CHP1: variants seen among roughly 807,000 people sequenced by gnomAD.
CHP1 encodes the protein calcineurin like EF-hand protein 1.
In CHP1, 11 loss-of-function variants were observed where a neutral mutation model predicts 27.4. The ratio of observed to expected loss-of-function variants is 0.40; its 90% CI spans 0.25 to 0.67. CHP1 has a LOEUF of 0.67. Among genes scored for constraint, CHP1 ranks in the 30% least tolerant of loss-of-function variants. The probability of loss-of-function intolerance (pLI) is 0.38; values close to 1 mark genes in which losing one functional copy is unlikely to be tolerated. For missense variants in CHP1, 169 were observed against 251.3 expected, an observed-to-expected ratio of 0.67 and a Z score of 2.22; for synonymous variants, 89 against 87.4, an observed-to-expected ratio of 1.02 and a Z score of -0.10.
intron 1 of CHP1, among the ~76,000 whole-genome samples, chr15:41,232,011 T>C (rs1456568611): frequency 1.3e-5 from 2 of 152,076 alleles, no homozygotes; most frequent in Non-Finnish European, 2.9e-5. Flanking sequence ...GGGTCTGGGA[T>C]TGTGAGACTT....
At chr15:41,270,428 A>G in intron 4 of CHP1, 129 bp from the exon 5 acceptor site, 1 of 680,972 alleles carries the variant, frequency 1.5e-6, no homozygotes, top group East Asian at 2.7e-5. Context: ...CCTACAAGTA[A>G]TGGCAATTGT....
chr15:41,257,722 G>T (rs1386088082), intron 3 of CHP1, among the ~76,000 whole-genome samples: 3 of 151,354 alleles, frequency 2.0e-5, no homozygotes, highest in African/African-American at 4.9e-5. Context: ...ACCATACCTG[G>T]CTAATTTTTG....
At chr15:41,239,372 A>G (rs1327095636) in intron 1 of CHP1, among the ~76,000 whole-genome samples, 2 of 150,132 alleles carry the variant, frequency 1.3e-5, no homozygotes, top group Admixed American at 6.6e-5. Context: ...TATTTTTAAC[A>G]TATTAGTACA....
At chr15:41,274,031 A>G (rs528537239) in intron 5 of CHP1, among the ~76,000 whole-genome samples, 60 of 151,062 alleles carry the variant, frequency 4.0e-4, no homozygotes, top group African/African-American at 1.4e-3. Flanking sequence ...CGCGATCTCA[A>G]CTCACTGCAA....
At chr15:41,271,110 C>A (rs112437350) in intron 5 of CHP1, among the ~76,000 whole-genome samples, 16,308 of 151,910 alleles carry the variant, frequency 0.11, 1,203 homozygotes, top group East Asian at 0.21. Context: ...AAAAAATTAG[C>A]CGGGTGTGGT....
intron 6 of CHP1, 33 bp downstream of exon 6, chr15:41,278,922 C>A (rs150007408): frequency 6.2e-7 from 1 of 1,612,266 alleles, no homozygotes; most frequent in South Asian, 1.1e-5. Flanking sequence ...GAAAAAGTTA[C>A]GTTTTAGTGG....
intron 5 of CHP1, among the ~76,000 whole-genome samples, chr15:41,277,993 A>G (rs1007391642): frequency 2.0e-5 from 3 of 151,734 alleles, no homozygotes; most frequent in South Asian, 4.2e-4. Flanking sequence ...ACATCTAAAC[A>G]TGGAAAAGGT....
At chr15:41,264,657 C>G (rs2047451386) in intron 4 of CHP1, among the ~76,000 whole-genome samples, 1 of 152,152 alleles carries the variant, frequency 6.6e-6, no homozygotes, top group South Asian at 2.1e-4. Context: ...GTTGCCCAGA[C>G]TGGTCTCGAA....
intron 1 of CHP1, among the ~76,000 whole-genome samples, chr15:41,235,347 A>G (rs1242307958): frequency 2.6e-5 from 4 of 152,110 alleles, no homozygotes; most frequent in Non-Finnish European, 4.4e-5. Flanking sequence ...GGGAAACCCC[A>G]TCTCTACAAA....
intron 2 of CHP1, 87 bp downstream of exon 2, chr15:41,243,826 CATG>C: frequency 9.5e-7 from 1 of 1,049,784 alleles, no homozygotes; most frequent in Non-Finnish European, 1.4e-6. Context: ...CTAGGGTAGA[CATG>C]ATAGACATCC....
chr15:41,231,459 G>A lies in CHP1; in HGVS notation c.67+10G>A, dbSNP rs775625285. ...AAGAAGGAGACCGGCTGTGAGTTCG[G>A]GTTGGGGGTGGGAACGCCGGGCGCC... is the stretch of plus-strand genomic sequence containing the variant. On this transcript the variant is annotated intron_variant, in intron 1 of 6. Coordinates refer to ENST00000334660, the MANE Select transcript of CHP1 (RefSeq NM_007236.5). 23 of 1,596,648 alleles carry A rather than the reference G, an allele frequency of 1.4e-5. No individual in the cohort carries two copies. Among genetic ancestry groups the A allele is most frequent in the South Asian group, 4.5e-5 (4 of 87,970 alleles).
At chr15:41,258,110 A>T (rs561807065) in intron 3 of CHP1, among the ~76,000 whole-genome samples, 150 of 152,246 alleles carry the variant, frequency 9.9e-4, no homozygotes, top group African/African-American at 3.4e-3. Flanking sequence ...ATACATGCCT[A>T]CATGTACGTA....
intron 4 of CHP1, among the ~76,000 whole-genome samples, chr15:41,269,593 G>A (rs183734021): frequency 4.6e-5 from 7 of 152,158 alleles, no homozygotes; most frequent in African/African-American, 9.6e-5. Flanking sequence ...CAGCATTTTG[G>A]ATATGTTGTA....
chr15:41,277,406 G>A (rs1303341378), intron 5 of CHP1, among the ~76,000 whole-genome samples: 2 of 152,208 alleles, frequency 1.3e-5, no homozygotes, highest in Admixed American at 6.5e-5. Context: ...CACTTTGGGA[G>A]GTGGCAGAGG....
intron 4 of CHP1, among the ~76,000 whole-genome samples, chr15:41,266,129 C>T (rs974128428): frequency 3.9e-5 from 6 of 151,996 alleles, no homozygotes; most frequent in African/African-American, 1.4e-4. Flanking sequence ...TCTAAAAATA[C>T]AAAATTAGCC....
chr15:41,237,070 A>C (rs1489851243), intron 1 of CHP1, among the ~76,000 whole-genome samples: 1 of 151,196 alleles, frequency 6.6e-6, no homozygotes, highest in African/African-American at 2.4e-5. Context: ...ACCTCAGGTG[A>C]TCCACCCACT....
At chr15:41,275,279 C>T (rs2047514129) in intron 5 of CHP1, among the ~76,000 whole-genome samples, 1 of 151,962 alleles carries the variant, frequency 6.6e-6, no homozygotes, top group Non-Finnish European at 1.5e-5. Context: ...CTCAGCCTCC[C>T]AAGTAGCTGG....
chr15:41,245,612 T>C (rs988545311), intron 2 of CHP1, among the ~76,000 whole-genome samples: 1 of 152,254 alleles, frequency 6.6e-6, no homozygotes, highest in African/African-American at 2.4e-5. Context: ...CACATTTGTG[T>C]ATCCATTCAG....
chr15:41,273,733 C>T (rs2047503652), intron 5 of CHP1, among the ~76,000 whole-genome samples: 1 of 151,324 alleles, frequency 6.6e-6, no homozygotes, highest in Admixed American at 6.6e-5. Context: ...TAGAGGGAAC[C>T]TTTCTTAAAT....
Sources: allele counts gnomAD v4.1 joint callset (sites outside exome capture counted in the v4.1 genomes callset), GRCh38; gene constraint gnomAD v4.1.1; transcripts MANE v1.5; gene names NCBI Gene and HGNC (gene_info 2026-07-23, HGNC 2026-07-21).